TMC2: variants seen among roughly 807,000 people sequenced by gnomAD.
The protein encoded by TMC2 is transmembrane channel like 2.
A neutral mutation model predicts 105.9 loss-of-function variants in TMC2; 102 were observed. The ratio of observed to expected loss-of-function variants is 0.96; its 90% CI spans 0.82 to 1.14. The LOEUF is 1.14. Ranked by LOEUF, TMC2 falls within the 50% of genes most tolerant of loss-of-function variation. The pLI, the probability that TMC2 is intolerant of heterozygous loss-of-function variation, is 0.00. For missense variants in TMC2, 1,093 were observed against 1,134.3 expected (o/e 0.96, Z 0.52); for synonymous variants, 402 against 422.8 (o/e 0.95, Z 0.60).
Position 2,558,571 on chromosome 20 carries a change from G to A in TMC2, c.198G>A (p.Pro66=), listed in dbSNP as rs2086000079. The stretch of plus-strand genomic sequence containing the variant: ...AGCGCGCCGGGGGCAGCCCAAGCCC[G>A]GGGTCTCCCCGGAGGAAGCAAACAG... ...QKERAGGSPS[P]GSPRRKQTGR... is the part of the protein sequence containing the mutation. Residue 66 remains proline (P), a synonymous_variant, in exon 3 of 20, where the codon CCG becomes CCA. Coordinates refer to ENST00000358864, the MANE Select transcript of TMC2 (RefSeq NM_080751.3). The surrounding 1 kb of genome is among the most constrained non-coding windows in gnomAD (Gnocchi z 4.6). 2 of 1,553,292 alleles carry A rather than the reference G, an allele frequency of 1.3e-6. No individual in the cohort carries two copies. Among genetic ancestry groups the A allele is most frequent in the Non-Finnish European group, 8.7e-7 (1 of 1,148,070 alleles).
chr20:2,607,424 C>T (rs1052766995), intron 11 of TMC2, among the ~76,000 whole-genome samples: 3 of 152,126 alleles, frequency 2.0e-5, no homozygotes, highest in Non-Finnish European at 4.4e-5. Flanking sequence ...TGTTAGGGAG[C>T]TTAACTGACA....
chr20:2,624,367 C>G lies in TMC2; in HGVS notation c.2277C>G (p.Gly759=). The G allele has an allele frequency of 6.2e-7, 1 of 1,614,098 alleles. No homozygotes were observed. The change falls in exon 17 of 20, where the codon GGC becomes GGG. Residue 759 remains glycine, a synonymous_variant. Coordinates refer to ENST00000358864, the MANE Select transcript of TMC2 (RefSeq NM_080751.3). ...GKIFAFLANP[G]LIIPAILLMF... ...TCTTTGCTTTCCTCGCCAATCCAGG[C>G]CTGATCATCCCAGCCATCCTGCTGA...
Position 2,617,069 on chromosome 20 carries a change from C to T in TMC2, c.1941-3C>T. The T allele has an allele frequency of 6.2e-7, 1 of 1,614,130 alleles. No homozygotes were observed. Among genetic ancestry groups the T allele is most frequent in the Non-Finnish European group, 8.5e-7 (1 of 1,179,988 alleles). On this transcript the variant is annotated splice_region_variant and splice_polypyrimidine_tract_variant and intron_variant, in intron 15 of 19. Coordinates refer to ENST00000358864, the MANE Select transcript of TMC2 (RefSeq NM_080751.3). ...ACCAGGTGTTTGGTTTCTGCCATTC[C>T]AGGATGGGCTCCTTCTATGCTCCAG...
intron 7 of TMC2, among the ~76,000 whole-genome samples, chr20:2,590,378 G>T (rs539460636): frequency 2.0e-5 from 3 of 152,016 alleles, no homozygotes; most frequent in Middle Eastern, 3.4e-3. Flanking sequence ...CTAGCTAGTG[G>T]ATATATAGTA....
chr20:2,552,726 G>A (rs973768730), intron 2 of TMC2, among the ~76,000 whole-genome samples: 2 of 152,034 alleles, frequency 1.3e-5, no homozygotes, highest in African/African-American at 4.8e-5. Flanking sequence ...ATGTTGGCCA[G>A]GCTGGTCTGG....
At chr20:2,630,822 CTAAA>C in intron 17 of TMC2, among the ~76,000 whole-genome samples, 1 of 152,240 alleles carries the variant, frequency 6.6e-6, no homozygotes, top group South Asian at 2.1e-4. Flanking sequence ...GACCTTCTCT[CTAAA>C]TAAATAAATG....
At chr20:2,547,701 G>A (rs1265099048) in intron 2 of TMC2, among the ~76,000 whole-genome samples, 4 of 152,128 alleles carry the variant, frequency 2.6e-5, no homozygotes, top group African/African-American at 7.2e-5. Flanking sequence ...ATTGTCTGGA[G>A]AGTTGAACAC....
At chr20:2,625,339 TAGAAATAAAACATTAC>T (rs1179014763) in intron 17 of TMC2, among the ~76,000 whole-genome samples, 5 of 152,214 alleles carry the variant, frequency 3.3e-5, no homozygotes, top group South Asian at 2.1e-4. Flanking sequence ...TTCTTCGTAA[TAGAAATAAAACATTAC>T]AGATGCACTT....
In TMC2 at chr20:2,597,199, C is replaced by G; in HGVS notation, c.1125C>G (p.Asn375Lys). 2 of 1,614,118 alleles carry G rather than the reference C, an allele frequency of 1.2e-6. No homozygotes were observed. Among genetic ancestry groups the G allele is most frequent in the East Asian group, 4.5e-5 (2 of 44,888 alleles). ...GCACAGGCGAAGGGGAGAGTGACAA[C>G]TTCACATTCAGCTTCAAGATGTTCA... ...QGSTGEGESD[N>K]FTFSFKMFTS... The change falls in exon 10 of 20, where the codon AAC (asparagine) becomes AAG (lysine). Residue 375 changes from asparagine to lysine, a missense_variant. Physicochemically the swap from Asn to Lys is moderately conservative, Grantham distance 94 (BLOSUM62 0). Coordinates refer to ENST00000358864, the MANE Select transcript of TMC2 (RefSeq NM_080751.3).
At chr20:2,597,068 C>A in intron 9 of TMC2, 83 bp from the exon 10 acceptor site, 1 of 1,495,158 alleles carries the variant, frequency 6.7e-7, no homozygotes, top group Non-Finnish European at 9.2e-7. Flanking sequence ...TTACCTGTGT[C>A]CGAGACTGGC....
intron 11 of TMC2, among the ~76,000 whole-genome samples, chr20:2,605,719 G>C (rs2086386167): frequency 6.6e-6 from 1 of 152,138 alleles, no homozygotes; most frequent in Non-Finnish European, 1.5e-5. Context: ...TCCATATTAG[G>C]AGGAGGGGAA....
chr20:2,581,200 TA>T (rs1817912024), intron 7 of TMC2, among the ~76,000 whole-genome samples: 1 of 152,354 alleles, frequency 6.6e-6, no homozygotes, highest in South Asian at 2.1e-4. Flanking sequence ...ACCTTTCACA[TA>T]ATGTGAATTA....
intron 17 of TMC2, among the ~76,000 whole-genome samples, chr20:2,624,781 T>A (rs1410658839): frequency 3.9e-5 from 6 of 152,130 alleles, no homozygotes; most frequent in Admixed American, 3.9e-4. Flanking sequence ...CACCAGCAAG[T>A]GCAAGTCTTT....
chr20:2,558,781 T>G lies in TMC2; in HGVS notation c.401+7T>G. 6.5e-7 allele frequency: 1 copy of G among 1,529,500 alleles called. No individual in the cohort carries two copies. Among genetic ancestry groups the G allele is most frequent in the South Asian group, 1.3e-5 (1 of 76,118 alleles). 94.7% of individuals were successfully genotyped at this position (1,529,500 alleles called of 1,614,324 possible). ...AGCGGCAGAAGAAACCCAGGTGTGT[T>G]GTGGCTCCGATTCTGGGCATTCGCT... On this transcript the variant is annotated splice_region_variant and intron_variant, in intron 3 of 19. Coordinates refer to ENST00000358864, the MANE Select transcript of TMC2 (RefSeq NM_080751.3). This position sits in a 1 kb window ranked among gnomAD's most constrained non-coding sequence, Gnocchi z 4.6.
intron 8 of TMC2, among the ~76,000 whole-genome samples, chr20:2,593,128 G>A (rs935321661): frequency 1.8e-4 from 28 of 152,238 alleles, no homozygotes; most frequent in African/African-American, 5.8e-4. Flanking sequence ...GAAGGCAAAG[G>A]GGAAGCAAGG....
intron 2 of TMC2, 105 bp downstream of exon 2, chr20:2,537,421 C>T (rs1371103020): frequency 1.0e-6 from 1 of 966,354 alleles, no homozygotes; most frequent in African/African-American, 1.6e-5. Context: ...CATCTCCTTC[C>T]CTCTCATTCA....
chr20:2,543,586 A>G (rs1232978030), intron 2 of TMC2, among the ~76,000 whole-genome samples: 3 of 152,220 alleles, frequency 2.0e-5, no homozygotes, highest in Non-Finnish European at 4.4e-5. Context: ...GTAATGAACA[A>G]TCAACATTTG....
intron 2 of TMC2, among the ~76,000 whole-genome samples, chr20:2,546,819 A>G (rs1488191228): frequency 6.6e-6 from 1 of 152,196 alleles, no homozygotes; most frequent in East Asian, 1.9e-4. Flanking sequence ...GTAACTTATT[A>G]CTGAAAACTT....
rs59750367 is a variant in TMC2, at chr20:2,637,387, C to CAAAAAAA, written c.2386-79_2386-73dup. 6.6e-3 allele frequency: 4,087 copies of CAAAAAAA among 623,026 alleles called. 69 individuals are homozygous for CAAAAAAA. Among genetic ancestry groups the CAAAAAAA allele is most frequent in the Middle Eastern group, 0.013 (42 of 3,224 alleles). 38.6% of individuals were successfully genotyped at this position (623,026 alleles called of 1,614,324 possible). The stretch of plus-strand genomic sequence containing the variant: ...TGGGCAACAGAGTGAGACTCTGTCT[C>CAAAAAAA]AAAAAAAAAAAAAATCACTCTCAAC... On this transcript the variant is annotated intron_variant, in intron 18 of 19. Coordinates refer to ENST00000358864, the MANE Select transcript of TMC2 (RefSeq NM_080751.3).
Sources: allele counts gnomAD v4.1 joint callset (sites outside exome capture counted in the v4.1 genomes callset), GRCh38; gene constraint gnomAD v4.1.1; non-coding constraint Gnocchi (gnomAD v3.1); transcripts MANE v1.5; gene names NCBI Gene and HGNC (gene_info 2026-07-23, HGNC 2026-07-21).